Variants in SLC6A12 observed in about 807,000 individuals in gnomAD.
SLC6A12 encodes the protein solute carrier family 6 member 12, also known as sodium- and chloride-dependent betaine transporter.
In SLC6A12, 50 loss-of-function variants were observed where a neutral mutation model predicts 73.3. The observed-to-expected ratio is 0.68, with a 90% confidence interval of 0.54 to 0.86. SLC6A12 has a LOEUF of 0.86. Ranked by LOEUF, SLC6A12 falls within the 40% of genes least tolerant of loss-of-function variation. The pLI is 0.00. For missense variants in SLC6A12, 648 were observed against 772.8 expected (o/e 0.84, Z 1.92); for synonymous variants, 304 against 309.2 (o/e 0.98, Z 0.18).
At position 196,104 on chromosome 12, in the gene SLC6A12, G is replaced by T; in HGVS notation, c.1326+20C>A. The stretch of plus-strand genomic sequence containing the variant: ...TCCCTCCCCTGGAGCCTGGCCTGCA[G>T]GCCGGCGGCCGCAGCTCACCTCGGT... On this transcript the variant is annotated intron_variant, in intron 12 of 15. Coordinates refer to ENST00000684302, the MANE Select transcript of SLC6A12 (RefSeq NM_001122848.3). 6.4e-7 allele frequency: 1 copy of T among 1,550,832 alleles called. No homozygotes were observed. Among genetic ancestry groups the T allele is most frequent in the East Asian group, 2.4e-5 (1 of 41,480 alleles).
intron 9 of SLC6A12, 32 bp from the exon 10 acceptor site, chr12:197,533 G>A (rs201106826): frequency 4.4e-6 from 7 of 1,599,688 alleles, no homozygotes; most frequent in East Asian, 2.2e-5. Context: ...AGACAGGAAC[G>A]GGGAGGAAAA....
chr12:187,278 C>CT (rs1939447782), downstream of SLC6A12, among the ~76,000 whole-genome samples: 1 of 152,138 alleles, frequency 6.6e-6, no homozygotes, highest in Non-Finnish European at 1.5e-5. Flanking sequence ...GCCGCAGACC[C>CT]TCACAGTGAG....
chr12:192,262 G>T (rs518685), intron 15 of SLC6A12, among the ~76,000 whole-genome samples: 71,678 of 152,002 alleles, frequency 0.47, 17,667 homozygotes, highest in African/African-American at 0.59. Context: ...GGAGGTCAGA[G>T]TCTGTAGGTC....
At chr12:188,223 G>A (rs1336842492), downstream of SLC6A12, among the ~76,000 whole-genome samples, 2 of 152,222 alleles carry the variant, frequency 1.3e-5, no homozygotes, top group African/African-American at 2.4e-5. Context: ...GGGGGAGGGA[G>A]GCTCAGGCAT....
At chr12:200,912 A>C (rs73604805) in intron 6 of SLC6A12, 129 bp from the exon 7 acceptor site, 2 of 856,290 alleles carry the variant, frequency 2.3e-6, no homozygotes, top group Non-Finnish European at 3.5e-6. Flanking sequence ...CCCACTCCCC[A>C]CCTCCCCCAC....
chr12:190,815 C>G lies in SLC6A12; in HGVS notation c.*253G>C, dbSNP rs114580725. ...CCAAAAAGACCCCCCTTTATAAAAA[C>G]GATGGTGCCTTCCCACAGGGAGTGG... On this transcript the variant is annotated 3_prime_UTR_variant, in exon 16 of 16. Transcript: ENST00000684302. 9.0e-6 allele frequency: 3 copies of G among 333,644 alleles called. No homozygotes were observed. The highest frequency in any genetic ancestry group is 1.6e-4 in the South Asian group (1 of 6,444). The allele number at this position is 333,644 out of a possible 1,614,324, so 20.7% of individuals were successfully genotyped here.
the SLC6A12 span, among the ~76,000 whole-genome samples, chr12:184,762 AT>A: frequency 1.3e-5 from 2 of 151,720 alleles, no homozygotes; most frequent in Admixed American, 6.6e-5. Flanking sequence ...AAATAAATAA[AT>A]AAAAAAATAA....
At position 191,160 on chromosome 12, in the gene SLC6A12, G is replaced by A. The variant is rs976658726; in HGVS notation, c.1753C>T (p.His585Tyr). The stretch of plus-strand genomic sequence containing the variant: ...CCAGCACTGCCATCCAAGCAGGGAT[G>A]TTGCTTGGGCTGTGGCAGACTGGAG... ...PDSSLPQPKQ[H>Y]PCLDGSAGRN... Residue 585 changes from histidine (H) to tyrosine (Y), a missense_variant, in exon 16 of 16, where the codon CAT becomes TAT. Transcript: ENST00000684302. 3.6e-5 allele frequency: 47 copies of A among 1,320,876 alleles called. No homozygotes were observed. Among genetic ancestry groups the A allele is most frequent in the Non-Finnish European group, 4.4e-5 (45 of 1,022,408 alleles). 81.8% of individuals were successfully genotyped at this position (1,320,876 alleles called of 1,614,324 possible).
intron 15 of SLC6A12, among the ~76,000 whole-genome samples, chr12:192,070 G>C (rs1035045290): frequency 5.3e-5 from 8 of 152,250 alleles, no homozygotes; most frequent in African/African-American, 9.6e-5. Flanking sequence ...GTTAAGAAAA[G>C]AAGCCAGGAG....
At chr12:185,800 C>G (rs1168725221), downstream of SLC6A12, among the ~76,000 whole-genome samples, 1 of 152,224 alleles carries the variant, frequency 6.6e-6, no homozygotes, top group African/African-American at 2.4e-5. Flanking sequence ...CGCCAGGGCC[C>G]AGGGCACTGA....
downstream of SLC6A12, among the ~76,000 whole-genome samples, chr12:187,595 A>AAAAAAAAAAAAAAAAAAC (rs1939455382): frequency 3.0e-4 from 2 of 6,622 alleles, no homozygotes; most frequent in Non-Finnish European, 2.1e-3. Flanking sequence ...AGAGCAAAAA[A>AAAAAAAAAAAAAAAAAAC]AAAAAAAAAA....
intron 13 of SLC6A12, among the ~76,000 whole-genome samples, chr12:194,638 G>A (rs1194251561): frequency 1.3e-5 from 2 of 152,364 alleles, no homozygotes; most frequent in Non-Finnish European, 2.9e-5. Context: ...CCTTCCTGGT[G>A]TAGGACATGG....
At position 202,721 on chromosome 12, in the gene SLC6A12, G is replaced by A; in HGVS notation, c.490+19C>T. ...CAGCCCCTAACAGGCAACATCCCAGGGGCTGAAATGATGGATACCTGTGTT... is the reference window on the plus strand; with the variant it reads ...CAGCCCCTAACAGGCAACATCCCAGAGGCTGAAATGATGGATACCTGTGTT... On this transcript the variant is annotated intron_variant, in intron 5 of 15. Transcript: ENST00000684302. The A allele has an allele frequency of 6.2e-7, 1 of 1,609,762 alleles. No homozygotes were observed. Among genetic ancestry groups the A allele is most frequent in the Non-Finnish European group, 8.5e-7 (1 of 1,177,474 alleles).
Position 191,110 on chromosome 12 carries a change from T to G in SLC6A12, c.1803A>C (p.Thr601=). ...SAGRNFGPSP[T]REGLIAGEKE... ...TCTCCCCGGCTATCAGTCCTTCCCT[T>G]GTTGGGGAGGGCCCAAAGTTCCGGC... Residue 601 remains threonine, a synonymous_variant, in exon 16 of 16, where the codon ACA becomes ACC. Coordinates refer to ENST00000684302, the MANE Select transcript of SLC6A12 (RefSeq NM_001122848.3). The G allele has an allele frequency of 7.4e-7, 1 of 1,355,476 alleles. No individual in the cohort carries two copies. Among genetic ancestry groups the G allele is most frequent in the African/African-American group, 1.5e-5 (1 of 67,596 alleles). The allele number at this position is 1,355,476 out of a possible 1,614,324, so 84.0% of individuals were successfully genotyped here.
chr12:186,437 A>G (rs969268473), downstream of SLC6A12, among the ~76,000 whole-genome samples: 3 of 152,162 alleles, frequency 2.0e-5, no homozygotes, highest in African/African-American at 7.2e-5. Flanking sequence ...TAAAACAACC[A>G]TATGCATTTC....
At chr12:185,832 C>T (rs567994334), downstream of SLC6A12, among the ~76,000 whole-genome samples, 14 of 152,352 alleles carry the variant, frequency 9.2e-5, no homozygotes, top group South Asian at 2.3e-3. Context: ...CCTGTGCCAC[C>T]TGCCAGGCTT....
chr12:206,436 TC>T (rs541167912), intron 3 of SLC6A12, among the ~76,000 whole-genome samples: 163 of 152,354 alleles, frequency 1.1e-3, no homozygotes, highest in African/African-American at 3.5e-3. Flanking sequence ...TACGTACTAT[TC>T]CCTTGTGTGA....
chr12:201,699 G>T, intron 6 of SLC6A12, 63 bp downstream of exon 6: 2 of 1,320,298 alleles, frequency 1.5e-6, no homozygotes, highest in South Asian at 1.2e-5. Flanking sequence ...CAGACATTCA[G>T]ACTTGCACAG....
intron 3 of SLC6A12, among the ~76,000 whole-genome samples, chr12:209,106 TCA>T (rs1565479368): frequency 6.6e-6 from 1 of 152,130 alleles, no homozygotes; most frequent in South Asian, 2.1e-4. Flanking sequence ...TCACTGCTCC[TCA>T]GACAGGCCTG....
Sources: allele counts gnomAD v4.1 joint callset (sites outside exome capture counted in the v4.1 genomes callset), GRCh38; gene constraint gnomAD v4.1.1; transcripts MANE v1.5; gene names NCBI Gene and HGNC (gene_info 2026-07-23, HGNC 2026-07-21).